Variants in CWF19L2 observed in about 807,000 individuals in gnomAD.
CWF19L2 encodes the protein CWF19 like cell cycle control factor 2, also known as CWF19-like protein 2.
A neutral mutation model predicts 111.7 loss-of-function variants in CWF19L2; 98 were observed. That is an observed-to-expected ratio of 0.88 (90% CI 0.75 to 1.04). The LOEUF (loss-of-function observed/expected upper bound fraction) is 1.04, where lower values mean the gene tolerates loss of function less well. Among genes scored for constraint, CWF19L2 ranks in the 50% least tolerant of loss-of-function variants. The pLI, the probability that CWF19L2 is intolerant of heterozygous loss-of-function variation, is 0.00. For synonymous variants in CWF19L2, 351 were observed against 342.9 expected, an observed-to-expected ratio of 1.02 and a Z score of -0.26; for missense variants, 1,101 against 1,051.4, an observed-to-expected ratio of 1.05 and a Z score of -0.65.
At position 107,429,582 on chromosome 11, in the gene CWF19L2, C is replaced by A. The variant is rs540975700; in HGVS notation, c.781-131G>T. On this transcript the variant is annotated intron_variant, in intron 7 of 17. Transcript: ENST00000282251. Reference sequence around the variant, plus strand: ...GCCCACTAACGGGGTGAAAGAAGACCCATACAATCATCCTATACGGAAACG... The same window carrying A: ...GCCCACTAACGGGGTGAAAGAAGACACATACAATCATCCTATACGGAAACG... 2.1e-4 allele frequency: 129 copies of A among 623,012 alleles called. No homozygotes were observed. In the East Asian group the frequency reaches 3.6e-3, roughly 17 times the overall value. The allele number at this position is 623,012 out of a possible 1,614,324, so 38.6% of individuals were successfully genotyped here. A position where few individuals can be genotyped will look rare whatever the true frequency, so the allele number is the denominator to read the frequency against.
rs1218109688 is a variant in CWF19L2, at chr11:107,386,301, GC to G, written c.1872+3772del. Among the ~76,000 whole-genome samples the G allele has an allele frequency of 4.4e-4, 67 of 151,990 alleles. 1 individual carries two copies. Among genetic ancestry groups the G allele is most frequent in the African/African-American group, 1.6e-3 (66 of 41,440 alleles). On this transcript the variant is annotated intron_variant, in intron 12 of 17. Transcript: ENST00000282251. ...AGTGCTGGGATTACAGGTGTGAGCC[GC>G]CACTCCTGTTCATTTTTCTACTACC... is the stretch of plus-strand genomic sequence containing the variant.
intron 3 of CWF19L2, among the ~76,000 whole-genome samples, chr11:107,446,162 G>A (rs1298910285): frequency 6.6e-6 from 1 of 152,096 alleles, no homozygotes. Flanking sequence ...AATAAATGCA[G>A]CTGAACCCAA....
At chr11:107,387,734 A>G (rs1401225169) in intron 12 of CWF19L2, among the ~76,000 whole-genome samples, 1 of 152,194 alleles carries the variant, frequency 6.6e-6, no homozygotes, top group African/African-American at 2.4e-5. Context: ...TGTCTAATTC[A>G]CAATAGGGTT....
intron 12 of CWF19L2, among the ~76,000 whole-genome samples, chr11:107,386,721 T>C (rs1860771880): frequency 6.6e-6 from 1 of 152,128 alleles, no homozygotes; most frequent in Non-Finnish European, 1.5e-5. Context: ...ACTCTCCTCA[T>C]TAATAATTTC....
intron 14 of CWF19L2, among the ~76,000 whole-genome samples, chr11:107,337,582 G>A (rs1011178518): frequency 2.0e-5 from 3 of 152,072 alleles, no homozygotes; most frequent in Admixed American, 1.3e-4. Context: ...GCCCAGCTCC[G>A]TCCACATCAC....
intron 3 of CWF19L2, among the ~76,000 whole-genome samples, chr11:107,449,172 A>G (rs1861744748): frequency 6.6e-6 from 1 of 151,650 alleles, no homozygotes; most frequent in South Asian, 2.1e-4. Flanking sequence ...CTATAAACTT[A>G]AAATTCTTTA....
At chr11:107,381,357 A>G (rs1253624412) in intron 12 of CWF19L2, among the ~76,000 whole-genome samples, 3 of 152,326 alleles carry the variant, frequency 2.0e-5, no homozygotes, top group Non-Finnish European at 2.9e-5. Flanking sequence ...GAGGTTCAGA[A>G]AAACAAAAAT....
intron 8 of CWF19L2, among the ~76,000 whole-genome samples, chr11:107,425,676 T>C (rs1046544344): frequency 6.6e-6 from 1 of 151,930 alleles, no homozygotes; most frequent in Non-Finnish European, 1.5e-5. Context: ...GCTGCTCTCA[T>C]ATTTGCTTCC....
chr11:107,329,663 TC>T (rs1320316206), intron 17 of CWF19L2, among the ~76,000 whole-genome samples: 1 of 152,096 alleles, frequency 6.6e-6, no homozygotes, highest in Admixed American at 6.6e-5. Context: ...AAGCCTGGCT[TC>T]CTCCAAAAAC....
chr11:107,386,976 C>T (rs185210179), intron 12 of CWF19L2, among the ~76,000 whole-genome samples: 1 of 151,896 alleles, frequency 6.6e-6, no homozygotes, highest in Admixed American at 6.6e-5. Flanking sequence ...ATCGCTTGAA[C>T]CCAGAAGGCG....
At chr11:107,386,972 T>C (rs60866183) in intron 12 of CWF19L2, among the ~76,000 whole-genome samples, 2,602 of 151,730 alleles carry the variant, frequency 0.017, 57 homozygotes, top group African/African-American at 0.058. Flanking sequence ...GAGAATCGCT[T>C]GAACCCAGAA....
chr11:107,400,453 T>C (rs908898856), intron 10 of CWF19L2, among the ~76,000 whole-genome samples: 1 of 152,056 alleles, frequency 6.6e-6, no homozygotes. Flanking sequence ...GTACATAAAC[T>C]AGAAAACCTA....
chr11:107,378,835 T>C (rs1276093676), intron 12 of CWF19L2, among the ~76,000 whole-genome samples: 3 of 146,860 alleles, frequency 2.0e-5, no homozygotes, highest in Admixed American at 1.3e-4. Context: ...TCAATAAATA[T>C]ATATTGTAAC....
chr11:107,433,530 T>G, intron 7 of CWF19L2, 104 bp downstream of exon 7: 1 of 392,502 alleles, frequency 2.5e-6, no homozygotes, highest in Non-Finnish European at 4.6e-6. Flanking sequence ...TATAAAGACA[T>G]GAAATATTAA....
chr11:107,404,169 G>A lies in CWF19L2; in HGVS notation c.1618-11274C>T, dbSNP rs185174195. 1.2e-4 allele frequency: 96 copies of A among 775,802 alleles called. No individual in the cohort carries two copies. The East Asian group carries it at 1.5e-3, about 12-fold the overall frequency. 48.1% of individuals were successfully genotyped at this position (775,802 alleles called of 1,614,324 possible). ...CTTCTGCACGATTTTTTGCATTTAC[G>A]TAAGCAAGGTATGTGGGGGAATTAT... On this transcript the variant is annotated intron_variant, in intron 10 of 17. Coordinates refer to ENST00000282251, the MANE Select transcript of CWF19L2 (RefSeq NM_152434.3).
intron 14 of CWF19L2, among the ~76,000 whole-genome samples, chr11:107,344,928 T>A (rs1245921857): frequency 1.3e-5 from 2 of 152,154 alleles, no homozygotes; most frequent in Non-Finnish European, 2.9e-5. Context: ...TCGGCCTCTG[T>A]TGACACTCAA....
At chr11:107,346,998 C>T (rs1860089863) in intron 14 of CWF19L2, among the ~76,000 whole-genome samples, 1 of 152,176 alleles carries the variant, frequency 6.6e-6, no homozygotes, top group African/African-American at 2.4e-5. Context: ...GCATCAGTGA[C>T]CCTCCTTTTT....
In CWF19L2 at chr11:107,341,440, A is replaced by T. The variant is rs11212171; in HGVS notation, c.2203-4727T>A. Among the ~76,000 whole-genome samples the T allele has an allele frequency of 4.3e-3, 661 of 152,248 alleles. 3 individuals carry two copies. The highest frequency in any genetic ancestry group is 0.014 in the African/African-American group (589 of 41,568). On this transcript the variant is annotated intron_variant, in intron 14 of 17. Transcript: ENST00000282251. ...GTCTTTCATACTTGGTATAAGCCCT[A>T]CTTGGACATAGTGTGTTATTGTTTT...
chr11:107,334,760 G>C, intron 16 of CWF19L2, 121 bp downstream of exon 16: 3 of 704,506 alleles, frequency 4.3e-6, no homozygotes, highest in Admixed American at 2.6e-5. Flanking sequence ...TTCATTTGTC[G>C]AACTAGTAAT....
Sources: gnomAD v4.1 joint callset for allele counts (sites outside exome capture counted in the v4.1 genomes callset) on GRCh38, gnomAD v4.1.1 for gene constraint, MANE v1.5 for transcripts, NCBI Gene and HGNC (gene_info 2026-07-23, HGNC 2026-07-21) for gene names.